HCN1: variants seen among roughly 807,000 people sequenced by gnomAD.
HCN1 encodes the protein hyperpolarization activated cyclic nucleotide gated potassium channel 1, also known as potassium/sodium hyperpolarization-activated cyclic nucleotide-gated channel 1.
A neutral mutation model predicts 78.9 loss-of-function variants in HCN1; 13 were observed. That is an observed-to-expected ratio of 0.16 (90% CI 0.11 to 0.26). The LOEUF (loss-of-function observed/expected upper bound fraction) is 0.26, where lower values mean the gene tolerates loss of function less well. Among genes scored for constraint, HCN1 ranks in the 10% least tolerant of loss-of-function variants. The pLI is 1.00. For missense variants in HCN1, 810 were observed against 1,154.3 expected (o/e 0.70, Z 4.32); for synonymous variants, 552 against 455.5 (o/e 1.21, Z -2.70).
At chr5:45,585,164 C>A (rs1414196515) in intron 2 of HCN1, among the ~76,000 whole-genome samples, 1 of 152,214 alleles carries the variant, frequency 6.6e-6, no homozygotes, top group Non-Finnish European at 1.5e-5. Context: ...TTCAGGTACA[C>A]CAATCAGATG....
chr5:45,537,518 TAAGTC>T (rs1437707325), intron 2 of HCN1, among the ~76,000 whole-genome samples: 4 of 126,034 alleles, frequency 3.2e-5, no homozygotes, highest in Admixed American at 9.9e-5. Context: ...AAAGCAACTC[TAAGTC>T]TTTTTTTTTT....
At chr5:45,508,337 T>G (rs1418861460) in intron 2 of HCN1, among the ~76,000 whole-genome samples, 1 of 152,068 alleles carries the variant, frequency 6.6e-6, no homozygotes, top group African/African-American at 2.4e-5. Context: ...CTATCCTCAA[T>G]GTTCACAATT....
chr5:45,688,604 T>C (rs891094463), intron 1 of HCN1, among the ~76,000 whole-genome samples: 16 of 152,128 alleles, frequency 1.1e-4, no homozygotes, highest in African/African-American at 3.9e-4. Context: ...TAAATATTTA[T>C]TACAGGTCTG....
intron 2 of HCN1, among the ~76,000 whole-genome samples, chr5:45,601,147 T>C (rs1744613279): frequency 6.6e-6 from 1 of 152,136 alleles, no homozygotes; most frequent in African/African-American, 2.4e-5. Context: ...TCAAATTGGG[T>C]AGTCCACCTT....
chr5:45,376,671 A>T (rs1372168216), intron 4 of HCN1, among the ~76,000 whole-genome samples: 1 of 151,906 alleles, frequency 6.6e-6, no homozygotes, highest in Non-Finnish European at 1.5e-5. Context: ...AGACGTGATT[A>T]TGTTTATATC....
At chr5:45,564,880 C>T (rs890770004) in intron 2 of HCN1, among the ~76,000 whole-genome samples, 1 of 152,118 alleles carries the variant, frequency 6.6e-6, no homozygotes, top group Non-Finnish European at 1.5e-5. Flanking sequence ...TAAAGGGATT[C>T]GTTGGGCACA....
chr5:45,338,476 C>T (rs1038445140), intron 5 of HCN1, among the ~76,000 whole-genome samples: 1 of 152,056 alleles, frequency 6.6e-6, no homozygotes, highest in African/African-American at 2.4e-5. Flanking sequence ...TGTGTGTATA[C>T]ACATTTTAAT....
Position 45,313,716 on chromosome 5 carries a change from G to A in HCN1, c.1378-9877C>T, listed in dbSNP as rs192978711. ...AACCATGGCACGAGAACTAAGGGACGAATGCACAAGCTTCAGTAGCCAATT... is the reference window on the plus strand; with the variant it reads ...AACCATGGCACGAGAACTAAGGGACAAATGCACAAGCTTCAGTAGCCAATT... On this transcript the variant is annotated intron_variant, in intron 5 of 7. Coordinates refer to ENST00000303230, the MANE Select transcript of HCN1 (RefSeq NM_021072.4). Among the ~76,000 whole-genome samples, 379 of 152,300 alleles carry A rather than the reference G, an allele frequency of 2.5e-3. 3 individuals are homozygous for A. The highest frequency in any genetic ancestry group is 0.012 in the East Asian group (61 of 5,184).
chr5:45,691,694 C>T (rs539960904), intron 1 of HCN1, among the ~76,000 whole-genome samples: 2 of 152,208 alleles, frequency 1.3e-5, no homozygotes, highest in South Asian at 2.1e-4. Context: ...TAGGCTAATT[C>T]GTCTTTAAAC....
chr5:45,547,298 GAAT>G (rs1304916481), intron 2 of HCN1, among the ~76,000 whole-genome samples: 1 of 151,888 alleles, frequency 6.6e-6, no homozygotes, highest in Non-Finnish European at 1.5e-5. Flanking sequence ...GGAGCTACTA[GAAT>G]AATAAAACAC....
chr5:45,525,281 A>G (rs1579949331), intron 2 of HCN1, among the ~76,000 whole-genome samples: 1 of 152,024 alleles, frequency 6.6e-6, no homozygotes, highest in Non-Finnish European at 1.5e-5. Flanking sequence ...TCCTAATTTT[A>G]ATAAAGGTAA....
intron 5 of HCN1, among the ~76,000 whole-genome samples, chr5:45,304,913 T>C (rs1230445358): frequency 6.6e-6 from 1 of 152,098 alleles, no homozygotes. Flanking sequence ...TTTATCCCTC[T>C]GGATGAAAAT....
At chr5:45,385,373 A>C (rs1168817168) in intron 4 of HCN1, among the ~76,000 whole-genome samples, 1 of 152,152 alleles carries the variant, frequency 6.6e-6, no homozygotes, top group Non-Finnish European at 1.5e-5. Flanking sequence ...AATTAAAAAA[A>C]GGAAATTGAT....
At chr5:45,421,104 C>T (rs1429260954) in intron 3 of HCN1, among the ~76,000 whole-genome samples, 1 of 151,808 alleles carries the variant, frequency 6.6e-6, no homozygotes, top group Non-Finnish European at 1.5e-5. Flanking sequence ...GCTCTGTCGC[C>T]CAGGCTGGAG....
intron 2 of HCN1, among the ~76,000 whole-genome samples, chr5:45,533,173 G>C (rs1159225165): frequency 6.6e-6 from 1 of 152,106 alleles, no homozygotes; most frequent in Non-Finnish European, 1.5e-5. Flanking sequence ...TGGTGTGTTT[G>C]TTTTTCTGAA....
intron 5 of HCN1, among the ~76,000 whole-genome samples, chr5:45,346,675 T>C (rs541212526): frequency 2.6e-5 from 4 of 152,170 alleles, no homozygotes; most frequent in Admixed American, 1.3e-4. Flanking sequence ...ACTGCGCTTT[T>C]CTGATGGGCT....
At chr5:45,371,270 A>C (rs997235964) in intron 4 of HCN1, among the ~76,000 whole-genome samples, 174 of 152,206 alleles carry the variant, frequency 1.1e-3, no homozygotes, top group African/African-American at 3.6e-3. Context: ...GGAAATAACC[A>C]AAATCAAAGC....
chr5:45,477,554 A>G (rs889782601), intron 2 of HCN1, among the ~76,000 whole-genome samples: 21 of 152,300 alleles, frequency 1.4e-4, no homozygotes, highest in Admixed American at 4.6e-4. Flanking sequence ...TGTAAAGATA[A>G]CATAGACAAT....
chr5:45,274,895 T>A (rs1489899283), intron 6 of HCN1, among the ~76,000 whole-genome samples: 2 of 152,224 alleles, frequency 1.3e-5, no homozygotes, highest in African/African-American at 4.8e-5. Context: ...GTTTATAATC[T>A]TTATACTAAA....
Sources: allele counts gnomAD v4.1 joint callset (sites outside exome capture counted in the v4.1 genomes callset), GRCh38; gene constraint gnomAD v4.1.1; transcripts MANE v1.5; gene names NCBI Gene and HGNC (gene_info 2026-07-23, HGNC 2026-07-21).